Variants in NFASC observed in about 807,000 individuals in gnomAD.
NFASC encodes neurofascin homolog.
A neutral mutation model predicts 147.5 loss-of-function variants in NFASC; 43 were observed. The ratio of observed to expected loss-of-function variants is 0.29; its 90% CI spans 0.23 to 0.38. NFASC has a LOEUF of 0.38. Among genes scored for constraint, NFASC ranks in the 10% least tolerant of loss-of-function variants. The probability of loss-of-function intolerance (pLI) is 1.00; values close to 1 mark genes in which losing one functional copy is unlikely to be tolerated. For missense variants in NFASC, 1,320 were observed against 1,689.0 expected (o/e 0.78, Z 3.83); for synonymous variants, 622 against 665.5 (o/e 0.93, Z 1.01).
chr1:204,939,966 T>C (rs2149728201), intron 2 of NFASC, among the ~76,000 whole-genome samples: 1 of 152,312 alleles, frequency 6.6e-6, no homozygotes, highest in Non-Finnish European at 1.5e-5. Context: ...TTCCTCAGAA[T>C]GGATGGCAGG....
chr1:204,939,424 G>C (rs967245635), intron 2 of NFASC, among the ~76,000 whole-genome samples: 4 of 152,028 alleles, frequency 2.6e-5, no homozygotes, highest in Non-Finnish European at 5.9e-5. Context: ...CTCCTATTTG[G>C]TCCTAGCTTT....
intron 7 of NFASC, among the ~76,000 whole-genome samples, chr1:204,955,194 C>T (rs563381230): frequency 6.8e-4 from 104 of 152,244 alleles, no homozygotes; most frequent in Non-Finnish European, 1.3e-3. Flanking sequence ...CATCTCTGGG[C>T]CTCAGTTTCC....
chr1:204,952,985 C>T (rs1470685452), intron 5 of NFASC, among the ~76,000 whole-genome samples: 2 of 152,342 alleles, frequency 1.3e-5, no homozygotes, highest in African/African-American at 4.8e-5. Flanking sequence ...GGGACTCTCT[C>T]GCTGGCCGTG....
In NFASC at chr1:204,863,803, G is replaced by A. The variant is rs567575121; in HGVS notation, c.-200+35021G>A. On this transcript the variant is annotated intron_variant, in intron 1 of 29. Coordinates refer to ENST00000339876, the MANE Select transcript of NFASC (RefSeq NM_001005388.3). Reference sequence around the variant, plus strand: ...GCAGAGGTTGCAGTGAGCCAAGATCGCGCCACTTTACTCCAGCCTAGGTGA... The same window carrying A: ...GCAGAGGTTGCAGTGAGCCAAGATCACGCCACTTTACTCCAGCCTAGGTGA... Among the ~76,000 whole-genome samples, 6 of 147,666 alleles carry A rather than the reference G, an allele frequency of 4.1e-5. No homozygotes were observed. In the East Asian group the frequency reaches 6.0e-4, roughly 15 times the overall value.
intron 1 of NFASC, among the ~76,000 whole-genome samples, chr1:204,860,029 G>A (rs1020600160): frequency 7.2e-5 from 11 of 152,154 alleles, no homozygotes; most frequent in South Asian, 2.1e-4. Context: ...GGGGTTACCC[G>A]GCAGAAGAGT....
At chr1:204,993,736 A>T (rs775461778) in intron 24 of NFASC, 1 of 515,956 alleles carries the variant, frequency 1.9e-6, no homozygotes, top group East Asian at 5.5e-5. Flanking sequence ...TGTAGCTCCT[A>T]TTGCGGCAGG....
chr1:205,008,957 T>C (rs1390503925), intron 27 of NFASC: 1 of 168,544 alleles, frequency 5.9e-6, no homozygotes, highest in Non-Finnish European at 1.3e-5. Flanking sequence ...ACTAGAGAGA[T>C]GTGAAAAGAT....
intron 23 of NFASC, 73 bp from the exon 24 acceptor site, chr1:204,991,219 T>C: frequency 6.5e-7 from 1 of 1,536,700 alleles, no homozygotes; most frequent in Non-Finnish European, 8.9e-7. Context: ...TGGTCTCACT[T>C]GTGCTCTGTT....
intron 1 of NFASC, among the ~76,000 whole-genome samples, chr1:204,841,769 T>G (rs1675437880): frequency 6.6e-6 from 1 of 152,152 alleles, no homozygotes; most frequent in East Asian, 1.9e-4. Flanking sequence ...GTCAACAGAA[T>G]GTTTATATCA....
At chr1:204,833,111 T>C (rs536842537) in intron 1 of NFASC, among the ~76,000 whole-genome samples, 1 of 152,350 alleles carries the variant, frequency 6.6e-6, no homozygotes, top group Non-Finnish European at 1.5e-5. Flanking sequence ...TTGTGCCAGC[T>C]TGAGAACTCT....
intron 1 of NFASC, among the ~76,000 whole-genome samples, chr1:204,877,560 C>T (rs1180251269): frequency 6.6e-6 from 1 of 152,064 alleles, no homozygotes; most frequent in East Asian, 1.9e-4. Flanking sequence ...TATGTCTGAC[C>T]TCCCATCCCA....
chr1:204,828,847 C>A, intron 1 of NFASC, 65 bp downstream of exon 1: 1 of 971,948 alleles, frequency 1.0e-6, no homozygotes, highest in South Asian at 4.7e-5. Context: ...TAGCGACACC[C>A]CCTTGTTCCC....
At position 204,832,442 on chromosome 1, in the gene NFASC, G is replaced by A. The variant is rs576543965; in HGVS notation, c.-200+3660G>A. On this transcript the variant is annotated intron_variant, in intron 1 of 29. Transcript: ENST00000339876. ...TCACACACCTGCAAGGTGTGTGAAA[G>A]GATTTGGCATTATGGGGAGGTCAGA... Among the ~76,000 whole-genome samples the A allele has an allele frequency of 2.4e-4, 35 of 148,358 alleles. 1 individual carries two copies. In the South Asian group the frequency reaches 7.1e-3, roughly 30 times the overall value.
At chr1:204,853,688 C>G (rs1245051683) in intron 1 of NFASC, among the ~76,000 whole-genome samples, 1 of 152,206 alleles carries the variant, frequency 6.6e-6, no homozygotes, top group Admixed American at 6.5e-5. Context: ...TACCAGCCCC[C>G]TATATTGCAC....
chr1:204,885,857 A>G (rs530400131), intron 1 of NFASC, among the ~76,000 whole-genome samples: 1 of 152,364 alleles, frequency 6.6e-6, no homozygotes, highest in African/African-American at 2.4e-5. Context: ...TTGTTCCCCA[A>G]GAATGACCTC....
intron 1 of NFASC, among the ~76,000 whole-genome samples, chr1:204,849,818 T>A (rs1558495832): frequency 6.6e-6 from 1 of 152,220 alleles, no homozygotes; most frequent in African/African-American, 2.4e-5. Context: ...AGCAGGCCTC[T>A]GAGGGCCAGG....
At chr1:204,885,184 G>A (rs1208982629) in intron 1 of NFASC, among the ~76,000 whole-genome samples, 1 of 152,004 alleles carries the variant, frequency 6.6e-6, no homozygotes, top group African/African-American at 2.4e-5. Flanking sequence ...AGGAGCCCAG[G>A]GTGGGAACAA....
At chr1:204,830,791 C>T (rs1004978658) in intron 1 of NFASC, among the ~76,000 whole-genome samples, 1 of 152,224 alleles carries the variant, frequency 6.6e-6, no homozygotes, top group Non-Finnish European at 1.5e-5. Flanking sequence ...AGACGAAACC[C>T]AGAGGCTTAA....
intron 1 of NFASC, among the ~76,000 whole-genome samples, chr1:204,865,154 C>T (rs190912673): frequency 6.6e-6 from 1 of 152,022 alleles, no homozygotes; most frequent in African/African-American, 2.4e-5. Flanking sequence ...TTTCAAGATC[C>T]CCAGTGGTTG....
Sources: allele counts gnomAD v4.1 joint callset (sites outside exome capture counted in the v4.1 genomes callset), GRCh38; gene constraint gnomAD v4.1.1; transcripts MANE v1.5; gene names NCBI Gene and HGNC (gene_info 2026-07-23, HGNC 2026-07-21).